Variants in NEBL observed in about 807,000 individuals in gnomAD.
NEBL encodes nebulette.
In NEBL, 122 loss-of-function variants were observed where a neutral mutation model predicts 140.2. That is an observed-to-expected ratio of 0.87 (90% CI 0.75 to 1.01). NEBL has a LOEUF of 1.01. NEBL is among the 50% of genes least tolerant of loss of function. NEBL has a pLI of 0.00. For missense variants in NEBL, 1,365 were observed against 1,231.3 expected, an observed-to-expected ratio of 1.11 and a Z score of -1.62; for synonymous variants, 436 against 398.9, an observed-to-expected ratio of 1.09 and a Z score of -1.11.
At chr10:20,863,060 A>G (rs1222553826) in intron 7 of NEBL, among the ~76,000 whole-genome samples, 1 of 152,150 alleles carries the variant, frequency 6.6e-6, no homozygotes, top group Non-Finnish European at 1.5e-5. Context: ...GAATTATAAG[A>G]GACAGCAGGA....
intron 2 of NEBL, among the ~76,000 whole-genome samples, chr10:21,098,275 CAG>C (rs1319965749): frequency 5.9e-5 from 9 of 152,174 alleles, no homozygotes; most frequent in Non-Finnish European, 8.8e-5. Context: ...CACTGTCACA[CAG>C]AGAGTGCAGA....
chr10:20,992,031 G>T (rs932359163), intron 3 of NEBL, among the ~76,000 whole-genome samples: 1 of 152,080 alleles, frequency 6.6e-6, no homozygotes, highest in Admixed American at 6.5e-5. Context: ...ACGAACCTAG[G>T]CTGATTCCAT....
chr10:21,240,942 AC>A (rs1375317741), intron 3 of NEBL, among the ~76,000 whole-genome samples: 3 of 151,446 alleles, frequency 2.0e-5, no homozygotes, highest in African/African-American at 7.3e-5. Context: ...ACACACACAC[AC>A]ACAAAACCAG....
At chr10:20,833,035 T>C (rs1228015845) in intron 14 of NEBL, among the ~76,000 whole-genome samples, 1 of 152,192 alleles carries the variant, frequency 6.6e-6, no homozygotes, top group Non-Finnish European at 1.5e-5. Flanking sequence ...CAAGGTCTGA[T>C]GGTAAAAGGA....
chr10:20,848,972 T>C (rs3909022), intron 11 of NEBL, among the ~76,000 whole-genome samples: 34,826 of 152,128 alleles, frequency 0.23, 4,397 homozygotes, highest in East Asian at 0.43. Context: ...ACAAAATTCC[T>C]GAGAGTTTTT....
In NEBL at chr10:20,831,220, C is replaced by T. The variant is rs1281787575; in HGVS notation, c.1647G>A (p.Lys549=). The T allele has an allele frequency of 6.2e-7, 1 of 1,613,334 alleles. No homozygotes were observed. The highest frequency in any genetic ancestry group is 8.5e-7 in the Non-Finnish European group (1 of 1,179,520). Reference sequence around the variant, plus strand: ...CCTGGCTATAGATTTCAGATGTCCTCTTGGCTCGAAGGATATCTGGGATAT... The same window carrying T: ...CCTGGCTATAGATTTCAGATGTCCTTTTGGCTCGAAGGATATCTGGGATAT... ...SMDIPDILRA[K]RTSEIYSQRK... The change falls in exon 16 of 28, where the codon AAG becomes AAA. Residue 549 remains lysine (K), a synonymous_variant. Transcript: ENST00000377122.
intron 26 of NEBL, among the ~76,000 whole-genome samples, chr10:20,803,335 G>A (rs550433102): frequency 5.1e-4 from 78 of 151,924 alleles, no homozygotes; most frequent in Non-Finnish European, 8.5e-4. Context: ...ATCACTATAT[G>A]GTGTATATAT....
At chr10:21,241,482 G>T in intron 3 of NEBL, among the ~76,000 whole-genome samples, 1 of 152,102 alleles carries the variant, frequency 6.6e-6, no homozygotes, top group East Asian at 1.9e-4. Flanking sequence ...GGTATGTTTT[G>T]CAATGAAGTC....
chr10:20,938,884 G>C (rs553931808), intron 4 of NEBL, among the ~76,000 whole-genome samples: 1 of 152,254 alleles, frequency 6.6e-6, no homozygotes, highest in South Asian at 2.1e-4. Flanking sequence ...GAGAAGTTTA[G>C]AGAAAAAAGA....
At chr10:21,234,039 A>ATAGATAGG (rs1842312927) in intron 3 of NEBL, among the ~76,000 whole-genome samples, 1 of 139,228 alleles carries the variant, frequency 7.2e-6, no homozygotes, top group African/African-American at 2.5e-5. Flanking sequence ...AGATAGATAG[A>ATAGATAGG]TAGATAGATA....
chr10:20,992,148 C>T (rs867428278), intron 3 of NEBL, among the ~76,000 whole-genome samples: 13 of 152,168 alleles, frequency 8.5e-5, no homozygotes, highest in African/African-American at 3.1e-4. Context: ...ATTACATTTT[C>T]ACTTTTTAAA....
intron 2 of NEBL, among the ~76,000 whole-genome samples, chr10:20,895,341 G>A (rs923489073): frequency 1.4e-4 from 22 of 152,224 alleles, no homozygotes; most frequent in African/African-American, 3.4e-4. Flanking sequence ...ATAATAAGGC[G>A]AAGAACAACA....
chr10:21,009,888 A>T (rs1413209460), intron 3 of NEBL, among the ~76,000 whole-genome samples: 2 of 152,182 alleles, frequency 1.3e-5, no homozygotes, highest in Non-Finnish European at 2.9e-5. Flanking sequence ...TTAAGCACAC[A>T]TATATGTACT....
At chr10:21,132,624 T>A (rs1357265346) in intron 2 of NEBL, among the ~76,000 whole-genome samples, 1 of 152,234 alleles carries the variant, frequency 6.6e-6, no homozygotes, top group East Asian at 1.9e-4. Flanking sequence ...GAGTTCCATT[T>A]TGTCCACATT....
intron 3 of NEBL, among the ~76,000 whole-genome samples, chr10:21,225,321 C>T (rs572711312): frequency 6.6e-6 from 1 of 152,268 alleles, no homozygotes; most frequent in South Asian, 2.1e-4. Context: ...CTGGGACTTC[C>T]CTAGGTCAGA....
intron 2 of NEBL, among the ~76,000 whole-genome samples, chr10:21,155,871 A>T (rs1245226069): frequency 2.0e-5 from 3 of 152,036 alleles, no homozygotes; most frequent in African/African-American, 7.2e-5. Context: ...CCTCCTCACA[A>T]TCAATTCCTC....
chr10:21,172,146 G>C, intron 2 of NEBL: 1 of 545,114 alleles, frequency 1.8e-6, no homozygotes. Flanking sequence ...GTAACACTGC[G>C]AACCTCAAAA....
At chr10:21,112,955 G>C in intron 2 of NEBL, 1 of 355,274 alleles carries the variant, frequency 2.8e-6, no homozygotes, top group Non-Finnish European at 5.4e-6. Context: ...TAACTGGAAA[G>C]TGATCTGCCC....
intron 5 of NEBL, among the ~76,000 whole-genome samples, chr10:20,876,611 C>T (rs1468212009): frequency 4.6e-5 from 7 of 152,104 alleles, no homozygotes; most frequent in Non-Finnish European, 7.4e-5. Context: ...TCATTTCCCA[C>T]GCTGAATACT....
Sources: allele counts gnomAD v4.1 joint callset (sites outside exome capture counted in the v4.1 genomes callset), GRCh38; gene constraint gnomAD v4.1.1; transcripts MANE v1.5; gene names NCBI Gene and HGNC (gene_info 2026-07-23, HGNC 2026-07-21).